C1QTNF3: variants seen among roughly 807,000 people sequenced by gnomAD.
C1QTNF3 encodes the protein complement C1q tumor necrosis factor-related protein 3.
A neutral mutation model predicts 32.6 loss-of-function variants in C1QTNF3; 26 were observed. The observed-to-expected ratio is 0.80, with a 90% CI of 0.58 to 1.11. The LOEUF (loss-of-function observed/expected upper bound fraction) is 1.11. Among genes scored for constraint, C1QTNF3 ranks in the 50% least tolerant of loss-of-function variants. The pLI is 0.00. For missense variants in C1QTNF3, 362 were observed against 398.2 expected (o/e 0.91, Z 0.77); for synonymous variants, 155 against 146.0 (o/e 1.06, Z -0.44).
the C1QTNF3 span, among the ~76,000 whole-genome samples, chr5:34,141,838 C>T: frequency 6.6e-6 from 1 of 152,012 alleles, no homozygotes. Context: ...TCCTGGTGGC[C>T]TGAGAGCATT....
At chr5:34,204,452 T>C in the C1QTNF3 span, among the ~76,000 whole-genome samples, 2 of 152,194 alleles carry the variant, frequency 1.3e-5, no homozygotes, top group African/African-American at 4.8e-5. Context: ...ACAACATGGA[T>C]GTAACTGGTC....
At chr5:34,217,042 C>T in the C1QTNF3 span, among the ~76,000 whole-genome samples, 11 of 152,202 alleles carry the variant, frequency 7.2e-5, no homozygotes, top group African/African-American at 2.6e-4. Context: ...CACTATTCAT[C>T]TATACATACA....
the C1QTNF3 span, among the ~76,000 whole-genome samples, chr5:34,155,820 T>TAAC: frequency 6.6e-6 from 1 of 151,754 alleles, no homozygotes; most frequent in Non-Finnish European, 1.5e-5. Context: ...AAACCATTAT[T>TAAC]AACAAATATG....
At chr5:34,202,802 GT>G in the C1QTNF3 span, among the ~76,000 whole-genome samples, 5 of 147,198 alleles carry the variant, frequency 3.4e-5, no homozygotes, top group South Asian at 6.5e-4. Context: ...ACAGTTTTTT[GT>G]TTTTTTTTTC....
chr5:34,204,505 T>C, the C1QTNF3 span, among the ~76,000 whole-genome samples: 2 of 152,190 alleles, frequency 1.3e-5, no homozygotes, highest in Non-Finnish European at 2.9e-5. Flanking sequence ...AGACAAATAC[T>C]GCATGTTCTC....
the C1QTNF3 span, among the ~76,000 whole-genome samples, chr5:34,072,624 T>C: frequency 6.6e-6 from 1 of 152,172 alleles, no homozygotes; most frequent in African/African-American, 2.4e-5. Flanking sequence ...AGAAACTAAA[T>C]ATTATATGAA....
the C1QTNF3 span, among the ~76,000 whole-genome samples, chr5:34,080,779 G>C: frequency 6.6e-6 from 1 of 151,744 alleles, no homozygotes; most frequent in Non-Finnish European, 1.5e-5. Context: ...GGAAGAGACA[G>C]AATGTGCTGA....
the C1QTNF3 span, among the ~76,000 whole-genome samples, chr5:34,084,788 G>T: frequency 2.2e-5 from 2 of 92,932 alleles, no homozygotes; most frequent in African/African-American, 1.1e-4. Context: ...TGGTTTTTCT[G>T]GTTTTTTTTT....
chr5:34,104,747 G>A, the C1QTNF3 span, among the ~76,000 whole-genome samples: 1 of 139,770 alleles, frequency 7.2e-6, no homozygotes, highest in Non-Finnish European at 1.5e-5. Context: ...CACGTTGCCA[G>A]GCTGGTCTCA....
At chr5:34,125,671 CT>C in the C1QTNF3 span, among the ~76,000 whole-genome samples, 1 of 152,038 alleles carries the variant, frequency 6.6e-6, no homozygotes, top group Non-Finnish European at 1.5e-5. Context: ...TGATTACATC[CT>C]TTTATATATT....
At chr5:34,235,127 A>T in the C1QTNF3 span, among the ~76,000 whole-genome samples, 1 of 152,130 alleles carries the variant, frequency 6.6e-6, no homozygotes, top group African/African-American at 2.4e-5. Context: ...TTGAAAGAGA[A>T]AACAACTTCC....
At chr5:34,213,208 A>G in the C1QTNF3 span, among the ~76,000 whole-genome samples, 2 of 152,150 alleles carry the variant, frequency 1.3e-5, no homozygotes, top group Non-Finnish European at 2.9e-5. Flanking sequence ...ATGTAAAACA[A>G]TGGCTCATTA....
At chr5:34,120,400 T>G in the C1QTNF3 span, among the ~76,000 whole-genome samples, 2 of 152,068 alleles carry the variant, frequency 1.3e-5, no homozygotes, top group African/African-American at 4.8e-5. Context: ...GCAAACTGTA[T>G]GTTTGAAAAG....
At chr5:34,166,227 G>C in the C1QTNF3 span, 1 of 151,982 alleles carries the variant, frequency 6.6e-6, no homozygotes, top group Non-Finnish European at 1.5e-5. Context: ...AACATAAAAG[G>C]TATGTCTCCC....
chr5:34,118,980 A>G, the C1QTNF3 span, among the ~76,000 whole-genome samples: 1 of 152,188 alleles, frequency 6.6e-6, no homozygotes, highest in Non-Finnish European at 1.5e-5. Flanking sequence ...TTACCAACAC[A>G]TATTTGTATG....
the C1QTNF3 span, chr5:34,239,467 C>T: frequency 6.6e-6 from 1 of 151,758 alleles, no homozygotes; most frequent in Non-Finnish European, 1.5e-5. Flanking sequence ...CAAATGATAA[C>T]AAAAAAGCAG....
At chr5:34,114,794 T>C in the C1QTNF3 span, among the ~76,000 whole-genome samples, 1 of 151,950 alleles carries the variant, frequency 6.6e-6, no homozygotes, top group Non-Finnish European at 1.5e-5. Context: ...TTCTCAGCCA[T>C]CTCTCTTCTA....
the C1QTNF3 span, among the ~76,000 whole-genome samples, chr5:34,178,249 C>A: frequency 8.9e-4 from 135 of 152,254 alleles, 1 homozygote; most frequent in Middle Eastern, 6.8e-3. Flanking sequence ...CCACTACACT[C>A]CAGCCTGGGT....
chr5:34,189,773 C>A, the C1QTNF3 span, among the ~76,000 whole-genome samples: 1 of 152,242 alleles, frequency 6.6e-6, no homozygotes, highest in Non-Finnish European at 1.5e-5. Context: ...GCCCCTTCAG[C>A]CCATCGCCCA....
Sources: gnomAD v4.1 joint callset for allele counts (sites outside exome capture counted in the v4.1 genomes callset) on GRCh38, gnomAD v4.1.1 for gene constraint, MANE v1.5 for transcripts, NCBI Gene and HGNC (gene_info 2026-07-23, HGNC 2026-07-21) for gene names.